The following ASTN2 variants were observed in gnomAD, a reference collection of about 807,000 sequenced individuals.
ASTN2 encodes astrotactin 2.
In ASTN2, 54 loss-of-function variants were observed where a neutral mutation model predicts 139.8. The observed-to-expected ratio is 0.39, with a 90% CI of 0.31 to 0.48. The LOEUF (loss-of-function observed/expected upper bound fraction) is 0.48, where lower values mean the gene tolerates loss of function less well. ASTN2 is among the 20% of genes least tolerant of loss of function. The pLI, the probability that ASTN2 is intolerant of heterozygous loss-of-function variation, is 0.95. For synonymous variants in ASTN2, 756 were observed against 719.5 expected, an observed-to-expected ratio of 1.05 and a Z score of -0.81; for missense variants, 1,565 against 1,725.1, an observed-to-expected ratio of 0.91 and a Z score of 1.64.
At chr9:116,842,599 C>A (rs1832294613) in intron 11 of ASTN2, among the ~76,000 whole-genome samples, 1 of 152,064 alleles carries the variant, frequency 6.6e-6, no homozygotes, top group African/African-American at 2.4e-5. Flanking sequence ...GGCCAGCTAG[C>A]CCGTCTATTA....
chr9:116,445,761 G>A (rs1847968746), intron 20 of ASTN2, among the ~76,000 whole-genome samples: 1 of 152,194 alleles, frequency 6.6e-6, no homozygotes. Flanking sequence ...TCACAAGTTG[G>A]TGGTCAAGAC....
Position 116,543,165 on chromosome 9 carries a change from C to A in ASTN2, c.3356-55665G>T, listed in dbSNP as rs1289377047. Among the ~76,000 whole-genome samples the A allele has an allele frequency of 2.0e-5, 3 of 151,188 alleles. No homozygotes were observed. In the East Asian group the frequency reaches 5.9e-4, roughly 30 times the overall value. ...TTGAAAGAAAATGAAGAGAGTTCTT[C>A]ATAATCACAGGTATAGAGATTATAG... is the stretch of plus-strand genomic sequence containing the variant. On this transcript the variant is annotated intron_variant, in intron 19 of 22. Coordinates refer to ENST00000313400, the MANE Select transcript of ASTN2 (RefSeq NM_001365068.1).
intron 5 of ASTN2, 32 bp from the exon 6 acceptor site, chr9:117,039,997 A>G (rs752601625): frequency 5.7e-6 from 9 of 1,575,834 alleles, no homozygotes; most frequent in Non-Finnish European, 7.8e-6. Flanking sequence ...AAGACACAAA[A>G]TTCCATGAGG....
In ASTN2 at chr9:116,698,495, A is replaced by C. The variant is rs766491249; in HGVS notation, c.2806+27276T>G. ...TGGCCAAGATCAAGCAGGCAGATGT[A>C]GCACTACTGGAGGAGACAGCTGATG... On this transcript the variant is annotated intron_variant, in intron 16 of 22. Coordinates refer to ENST00000313400, the MANE Select transcript of ASTN2 (RefSeq NM_001365068.1). This position sits in a 1 kb window ranked among gnomAD's most constrained non-coding sequence, Gnocchi z 4.4. 1 of 1,613,900 alleles carries C rather than the reference A, an allele frequency of 6.2e-7. No individual in the cohort carries two copies. The highest frequency in any genetic ancestry group is 8.5e-7 in the Non-Finnish European group (1 of 1,180,024).
At chr9:116,466,543 C>T (rs141255158) in intron 20 of ASTN2, among the ~76,000 whole-genome samples, 6 of 152,250 alleles carry the variant, frequency 3.9e-5, no homozygotes, top group South Asian at 2.1e-4. Context: ...TTGCTGCCTC[C>T]AAGTAGGGTT....
Position 116,468,097 on chromosome 9 carries a change from T to A in ASTN2, c.3497+19262A>T, listed in dbSNP as rs185100936. Among the ~76,000 whole-genome samples the A allele has an allele frequency of 1.6e-4, 25 of 152,312 alleles. No homozygotes were observed. The East Asian group carries it at 3.1e-3, about 19-fold the overall frequency. ...GAGGACATGAAGCCGTGAATGACAC[T>A]ATCATTATCAATACTTTACTTGCTG... On this transcript the variant is annotated intron_variant, in intron 20 of 22. Transcript: ENST00000313400.
At chr9:116,471,536 G>A (rs555148986) in intron 20 of ASTN2, among the ~76,000 whole-genome samples, 1 of 152,138 alleles carries the variant, frequency 6.6e-6, no homozygotes, top group African/African-American at 2.4e-5. Flanking sequence ...ACAAACACGC[G>A]AAGAATGTTA....
At chr9:117,146,186 C>T (rs1178140331) in intron 3 of ASTN2, among the ~76,000 whole-genome samples, 1 of 152,068 alleles carries the variant, frequency 6.6e-6, no homozygotes, top group African/African-American at 2.4e-5. Flanking sequence ...TCAAGTTGTC[C>T]AAACAAGCCA....
At chr9:117,256,062 G>T (rs376696983) in intron 2 of ASTN2, among the ~76,000 whole-genome samples, 1 of 152,278 alleles carries the variant, frequency 6.6e-6, no homozygotes, top group Middle Eastern at 3.4e-3. Flanking sequence ...ACACTGCCTC[G>T]TTTTCAATGC....
chr9:116,697,562 ATGAC>A, intron 16 of ASTN2: 1 of 746,190 alleles, frequency 1.3e-6, no homozygotes, highest in Non-Finnish European at 2.2e-6. Context: ...AAGTAAGGGA[ATGAC>A]TGAATGACTG....
At chr9:116,534,213 T>C (rs1446753964) in intron 19 of ASTN2, among the ~76,000 whole-genome samples, 1 of 152,196 alleles carries the variant, frequency 6.6e-6, no homozygotes, top group Non-Finnish European at 1.5e-5. Context: ...TGATATCCCC[T>C]TTATCATTTT....
In ASTN2 at chr9:116,698,673, G is replaced by C. The variant is rs1485476513; in HGVS notation, c.2806+27098C>G. On this transcript the variant is annotated intron_variant, in intron 16 of 22. Coordinates refer to ENST00000313400, the MANE Select transcript of ASTN2 (RefSeq NM_001365068.1). The surrounding 1 kb of genome is among the most constrained non-coding windows in gnomAD (Gnocchi z 4.4). ...CGTGGAAGATTCCTGGGCCATGGAG[G>C]CCACAGCGTCTGCTGCCTCTACCTC... is the stretch of plus-strand genomic sequence containing the variant. 1 of 1,614,160 alleles carries C rather than the reference G, an allele frequency of 6.2e-7. No individual in the cohort carries two copies. The highest frequency in any genetic ancestry group is 8.5e-7 in the Non-Finnish European group (1 of 1,180,030).
rs910817858 is a variant in ASTN2 at position 117,346,002 on chromosome 9, C to T, written c.443-54489G>A. ...AATCCTCACATTGCCACTTAGTGAACTAAGAGGCAAAAAAAAAAAAAAAAG... is the reference window on the plus strand; with the variant it reads ...AATCCTCACATTGCCACTTAGTGAATTAAGAGGCAAAAAAAAAAAAAAAAG... On this transcript the variant is annotated intron_variant, in intron 1 of 22. Transcript: ENST00000313400. 7.4e-5 allele frequency among the ~76,000 whole-genome samples: 5 copies of T among 67,398 alleles called. No individual in the cohort carries two copies. In the South Asian group the frequency reaches 2.4e-3, roughly 32 times the overall value. 44.2% of individuals were successfully genotyped at this position (67,398 alleles called of 152,430 possible).
At chr9:117,165,354 GA>G (rs1369256588) in intron 3 of ASTN2, among the ~76,000 whole-genome samples, 1 of 152,116 alleles carries the variant, frequency 6.6e-6, no homozygotes, top group African/African-American at 2.4e-5. Flanking sequence ...TCAAGAAGGT[GA>G]AATATCTTCC....
Position 116,699,913 on chromosome 9 carries a change from C to G in ASTN2, c.2806+25858G>C, listed in dbSNP as rs996640260. The G allele has an allele frequency of 2.9e-6, 2 of 692,660 alleles. No homozygotes were observed. Among genetic ancestry groups the G allele is most frequent in the Non-Finnish European group, 4.9e-6 (2 of 407,666 alleles). The allele number at this position is 692,660 out of a possible 1,614,324, so 42.9% of individuals were successfully genotyped here. The stretch of plus-strand genomic sequence containing the variant: ...CCTAAATTTAGAGCTTTAAAAGATG[C>G]ACTGCCCAAATAGGACACACGATGG... On this transcript the variant is annotated intron_variant, in intron 16 of 22. Transcript: ENST00000313400. This position sits in a 1 kb window ranked among gnomAD's most constrained non-coding sequence, Gnocchi z 4.2.
intron 16 of ASTN2, among the ~76,000 whole-genome samples, chr9:116,668,243 G>A (rs1431950589): frequency 6.7e-6 from 1 of 150,356 alleles, no homozygotes; most frequent in African/African-American, 2.5e-5. Flanking sequence ...CCAGGCTGGA[G>A]TACAGTTGCA....
chr9:117,245,442 G>A (rs1833352007), intron 2 of ASTN2, among the ~76,000 whole-genome samples: 1 of 152,168 alleles, frequency 6.6e-6, no homozygotes, highest in East Asian at 1.9e-4. Flanking sequence ...ACAGGGCTCA[G>A]GGCTGCTGGA....
intron 2 of ASTN2, among the ~76,000 whole-genome samples, chr9:117,268,190 G>A (rs1189835949): frequency 6.6e-6 from 1 of 152,092 alleles, no homozygotes; most frequent in African/African-American, 2.4e-5. Flanking sequence ...AGCTTTCTGT[G>A]GGTAAAAGCC....
At chr9:117,237,256 T>C (rs1166274369) in intron 2 of ASTN2, among the ~76,000 whole-genome samples, 1 of 152,118 alleles carries the variant, frequency 6.6e-6, no homozygotes, top group African/African-American at 2.4e-5. Flanking sequence ...TTTTTTTTTA[T>C]AGGTAAGGAC....
Sources: gnomAD v4.1 joint callset for allele counts (sites outside exome capture counted in the v4.1 genomes callset) on GRCh38, gnomAD v4.1.1 for gene constraint, Gnocchi (gnomAD v3.1) non-coding constraint, MANE v1.5 for transcripts, NCBI Gene and HGNC (gene_info 2026-07-23, HGNC 2026-07-21) for gene names.